Variants in NTN1 observed in about 807,000 individuals in gnomAD.
NTN1 encodes the protein netrin 1.
NTN1 carries 11 observed loss-of-function variants against 54.2 expected under a neutral mutation model. The observed-to-expected ratio is 0.20, with a 90% CI of 0.13 to 0.34. NTN1 has a LOEUF of 0.34. Among genes scored for constraint, NTN1 ranks in the 10% least tolerant of loss-of-function variants. The pLI is 1.00. For synonymous variants in NTN1, 371 were observed against 382.0 expected (o/e 0.97, Z 0.33); for missense variants, 740 against 893.1 (o/e 0.83, Z 2.18).
intron 6 of NTN1, among the ~76,000 whole-genome samples, chr17:9,227,601 CCAT>C (rs1905628985): frequency 5.1e-5 from 4 of 78,776 alleles, no homozygotes; most frequent in Admixed American, 4.4e-4. Flanking sequence ...CATACACACA[CCAT>C]CACACATCAG....
chr17:9,117,438 A>G (rs2092217276), intron 2 of NTN1, among the ~76,000 whole-genome samples: 1 of 152,142 alleles, frequency 6.6e-6, no homozygotes, highest in Admixed American at 6.5e-5. Flanking sequence ...CTGCACCTGG[A>G]CCAAGTAAAG....
intron 2 of NTN1, among the ~76,000 whole-genome samples, chr17:9,152,429 C>T (rs970796203): frequency 7.2e-5 from 11 of 152,230 alleles, no homozygotes; most frequent in Non-Finnish European, 1.3e-4. Flanking sequence ...CTGTTGGCCA[C>T]GCCCCTCTGA....
chr17:9,151,002 G>T (rs1282002812), intron 2 of NTN1, among the ~76,000 whole-genome samples: 1 of 152,026 alleles, frequency 6.6e-6, no homozygotes, highest in Admixed American at 6.5e-5. Context: ...TGCCCTCTCC[G>T]GTCTGTTTGC....
chr17:9,029,635 T>C (rs765811950), intron 2 of NTN1, among the ~76,000 whole-genome samples: 11 of 152,252 alleles, frequency 7.2e-5, no homozygotes, highest in Admixed American at 1.3e-4. Context: ...TGCATTCCTG[T>C]CTCCTTACTC....
In NTN1 at chr17:9,162,868, G is replaced by A. The variant is rs2092361681; in HGVS notation, c.1074G>A (p.Lys358=). 21 of 1,614,096 alleles carry A rather than the reference G, an allele frequency of 1.3e-5. No homozygotes were observed. The highest frequency in any genetic ancestry group is 1.6e-5 in the Non-Finnish European group (19 of 1,179,994). The part of the protein sequence containing the change: ...RRCRFNMELY[K]LSGRKSGGVC... ...GCCGCTTCAACATGGAGCTCTACAAGCTTTCGGGGCGCAAGAGCGGAGGTG... is the reference window on the plus strand; with the variant it reads ...GCCGCTTCAACATGGAGCTCTACAAACTTTCGGGGCGCAAGAGCGGAGGTG... Residue 358 remains lysine (K), a synonymous_variant, in exon 3 of 7, where the codon AAG becomes AAA. Coordinates refer to ENST00000173229, the MANE Select transcript of NTN1 (RefSeq NM_004822.3).
intron 5 of NTN1, among the ~76,000 whole-genome samples, chr17:9,199,815 ACT>A (rs1219064137): frequency 6.6e-6 from 1 of 152,132 alleles, no homozygotes; most frequent in Non-Finnish European, 1.5e-5. Context: ...TTCTTTGATC[ACT>A]CTGCTGACTT....
At chr17:9,028,402 G>C (rs78906527) in intron 2 of NTN1, among the ~76,000 whole-genome samples, 1 of 152,202 alleles carries the variant, frequency 6.6e-6, no homozygotes, top group East Asian at 1.9e-4. Flanking sequence ...CAGGAACCTC[G>C]AGGCAAGGAG....
intron 2 of NTN1, among the ~76,000 whole-genome samples, chr17:9,095,769 G>A (rs2092129690): frequency 6.6e-6 from 1 of 151,952 alleles, no homozygotes. Context: ...TAAATGTGGA[G>A]GGAATGAGAA....
intron 3 of NTN1, among the ~76,000 whole-genome samples, chr17:9,178,122 G>C (rs955553594): frequency 5.9e-5 from 9 of 152,182 alleles, no homozygotes; most frequent in Middle Eastern, 3.2e-3. Context: ...GTTTGAACCC[G>C]GGAGGCGGAG....
In NTN1 at chr17:9,120,388, C is replaced by T. The variant is rs1384797606; in HGVS notation, c.1019-42425C>T. Among the ~76,000 whole-genome samples the T allele has an allele frequency of 3.3e-5, 5 of 152,038 alleles. No homozygotes were observed. In the East Asian group the frequency reaches 9.7e-4, roughly 29 times the overall value. On this transcript the variant is annotated intron_variant, in intron 2 of 6. Transcript: ENST00000173229. ...ACCCAAGACTTGGCACATTGGGCTT[C>T]TCTCCCCCACGTTAAGGATTTTGGG...
chr17:9,026,813 C>T (rs2091872737), intron 2 of NTN1, among the ~76,000 whole-genome samples: 2 of 152,006 alleles, frequency 1.3e-5, no homozygotes, highest in Non-Finnish European at 2.9e-5. Flanking sequence ...GTGGAGTTGT[C>T]AGCATGAGCC....
rs925755901 is a variant in NTN1, at chr17:9,212,639, C to T, written c.1412-8529C>T. ...GGCCAGGGAGAACCAGGGGCTCCTC[C>T]CCTACGCCCAGCCCTTGGCGTCTGC... On this transcript the variant is annotated intron_variant, in intron 5 of 6. Coordinates refer to ENST00000173229, the MANE Select transcript of NTN1 (RefSeq NM_004822.3). This position sits in a 1 kb window ranked among gnomAD's most constrained non-coding sequence, Gnocchi z 5.5. Among the ~76,000 whole-genome samples, 1 of 152,226 alleles carries T rather than the reference C, an allele frequency of 6.6e-6. No homozygotes were observed. Among genetic ancestry groups the T allele is most frequent in the Non-Finnish European group, 1.5e-5 (1 of 68,034 alleles).
chr17:9,230,689 G>A (rs776348006), intron 6 of NTN1, among the ~76,000 whole-genome samples: 2 of 152,050 alleles, frequency 1.3e-5, no homozygotes, highest in East Asian at 1.9e-4. Flanking sequence ...GGGGGGATGC[G>A]GCCCTTCCCA....
At chr17:9,198,561 G>A (rs1201071329) in intron 5 of NTN1, among the ~76,000 whole-genome samples, 1 of 152,002 alleles carries the variant, frequency 6.6e-6, no homozygotes, top group Non-Finnish European at 1.5e-5. Context: ...CCATCTGTGG[G>A]TTTCTGTTTT....
intron 5 of NTN1, among the ~76,000 whole-genome samples, chr17:9,197,428 G>T (rs534312372): frequency 1.1e-4 from 17 of 152,240 alleles, no homozygotes; most frequent in African/African-American, 3.9e-4. Context: ...GGAGGCCAAG[G>T]TGGGCAGATC....
intron 5 of NTN1, among the ~76,000 whole-genome samples, chr17:9,204,445 C>G (rs537560259): frequency 6.6e-6 from 1 of 152,064 alleles, no homozygotes; most frequent in Non-Finnish European, 1.5e-5. Context: ...AGGCGCCCAC[C>G]ACCACACCCT....
At chr17:9,052,488 G>T (rs907366705) in intron 2 of NTN1, among the ~76,000 whole-genome samples, 8 of 152,250 alleles carry the variant, frequency 5.3e-5, no homozygotes, top group Non-Finnish European at 1.0e-4. Context: ...ACATCAATAA[G>T]TCTGGGACAA....
intron 5 of NTN1, among the ~76,000 whole-genome samples, chr17:9,199,737 T>C (rs146171591): frequency 7.1e-4 from 108 of 152,368 alleles, no homozygotes; most frequent in African/African-American, 2.5e-3. Context: ...GGTAATGTAG[T>C]CTATCTGCCT....
intron 6 of NTN1, among the ~76,000 whole-genome samples, chr17:9,227,912 C>T (rs575557438): frequency 1.3e-5 from 2 of 152,150 alleles, no homozygotes; most frequent in South Asian, 4.2e-4. Context: ...CATACCACTA[C>T]ACACAGCATC....
Sources: allele counts gnomAD v4.1 joint callset (sites outside exome capture counted in the v4.1 genomes callset), GRCh38; gene constraint gnomAD v4.1.1; non-coding constraint Gnocchi (gnomAD v3.1); transcripts MANE v1.5; gene names NCBI Gene and HGNC (gene_info 2026-07-23, HGNC 2026-07-21).